The following SNX29 variants were observed in gnomAD, a reference collection of about 807,000 sequenced individuals.
The protein encoded by SNX29 is sorting nexin 29, also known as sorting nexin-29.
SNX29 carries 78 observed loss-of-function variants against 102.1 expected under a neutral mutation model. The ratio of observed to expected loss-of-function variants is 0.76; its 90% CI spans 0.64 to 0.92. The LOEUF is 0.92. Among genes scored for constraint, SNX29 ranks in the 40% least tolerant of loss-of-function variants. The pLI, the probability that SNX29 is intolerant of heterozygous loss-of-function variation, is 0.00. For missense variants in SNX29, 1,280 were observed against 1,061.7 expected, an observed-to-expected ratio of 1.21 and a Z score of -2.86; for synonymous variants, 580 against 414.5, an observed-to-expected ratio of 1.40 and a Z score of -4.85.
chr16:12,152,531 T>C (rs1474828301), intron 13 of SNX29, among the ~76,000 whole-genome samples: 7 of 152,184 alleles, frequency 4.6e-5, no homozygotes, highest in Non-Finnish European at 1.5e-5. Flanking sequence ...AACGCGTTGC[T>C]TTCCTTCTCT....
At chr16:12,327,087 G>T (rs1308278893) in intron 15 of SNX29, among the ~76,000 whole-genome samples, 1 of 152,112 alleles carries the variant, frequency 6.6e-6, no homozygotes, top group Non-Finnish European at 1.5e-5. Context: ...CCCTCTTCGT[G>T]GGTCCCTTTA....
chr16:12,161,696 G>C (rs2055790931), intron 13 of SNX29, among the ~76,000 whole-genome samples: 1 of 152,188 alleles, frequency 6.6e-6, no homozygotes, highest in Non-Finnish European at 1.5e-5. Context: ...TTGGTCATGA[G>C]TGAGTTCTTG....
At chr16:12,247,239 TTCA>T (rs1412248891) in intron 14 of SNX29, among the ~76,000 whole-genome samples, 1 of 152,148 alleles carries the variant, frequency 6.6e-6, no homozygotes, top group Admixed American at 6.5e-5. Flanking sequence ...AGGCTGGCTC[TTCA>T]GGTGGAGATG....
At chr16:12,292,367 A>G (rs78615007) in intron 15 of SNX29, among the ~76,000 whole-genome samples, 2,606 of 152,268 alleles carry the variant, frequency 0.017, 93 homozygotes, top group African/African-American at 0.06. Context: ...TGAAAGTGGT[A>G]GGATTGGAAA....
At chr16:12,264,332 C>G (rs535524235) in intron 14 of SNX29, among the ~76,000 whole-genome samples, 1 of 152,364 alleles carries the variant, frequency 6.6e-6, no homozygotes, top group East Asian at 1.9e-4. Flanking sequence ...TTCCAAGGTT[C>G]TCTTCTTAAG....
intron 20 of SNX29, among the ~76,000 whole-genome samples, chr16:12,566,007 C>A (rs2078989108): frequency 6.6e-6 from 1 of 152,186 alleles, no homozygotes; most frequent in African/African-American, 2.4e-5. Flanking sequence ...CCTTCATGCC[C>A]AGCCCAGCAT....
At chr16:12,536,387 A>G (rs1403376011) in intron 20 of SNX29, among the ~76,000 whole-genome samples, 1 of 152,106 alleles carries the variant, frequency 6.6e-6, no homozygotes, top group East Asian at 1.9e-4. Flanking sequence ...TGACTTTCAC[A>G]TTAAAGGTAC....
chr16:12,425,471 A>C (rs1341373879), intron 18 of SNX29, among the ~76,000 whole-genome samples: 1 of 149,990 alleles, frequency 6.7e-6, no homozygotes, highest in Non-Finnish European at 1.5e-5. Context: ...CTGCACACGT[A>C]ATTCCATTGC....
intron 13 of SNX29, among the ~76,000 whole-genome samples, chr16:12,164,528 T>G (rs961506972): frequency 6.6e-6 from 1 of 152,136 alleles, no homozygotes; most frequent in Non-Finnish European, 1.5e-5. Flanking sequence ...ATGTACTTTT[T>G]TGGTTGATAA....
At chr16:12,179,286 T>A (rs1347816128) in intron 13 of SNX29, among the ~76,000 whole-genome samples, 2 of 152,154 alleles carry the variant, frequency 1.3e-5, no homozygotes, top group African/African-American at 4.8e-5. Flanking sequence ...GAGTTCGAGA[T>A]CAGACTGGGC....
intron 16 of SNX29, among the ~76,000 whole-genome samples, chr16:12,360,390 A>T (rs1017747600): frequency 2.0e-5 from 3 of 152,084 alleles, no homozygotes; most frequent in Non-Finnish European, 4.4e-5. Context: ...CCCAGTTAGG[A>T]TTTTGCTAAT....
At position 12,215,142 on chromosome 16, in the gene SNX29, A is replaced by G. The variant is rs114782632; in HGVS notation, c.1678+15459A>G. ...ACCCTGTGCTAACTGCTTCATGGCAACTGTCCTGTGAGGTGGGTACTATTA... is the reference window on the plus strand; with the variant it reads ...ACCCTGTGCTAACTGCTTCATGGCAGCTGTCCTGTGAGGTGGGTACTATTA... On this transcript the variant is annotated intron_variant, in intron 14 of 20. Coordinates refer to ENST00000566228, the MANE Select transcript of SNX29 (RefSeq NM_032167.5). Among the ~76,000 whole-genome samples, 365 of 152,268 alleles carry G rather than the reference A, an allele frequency of 2.4e-3. 3 individuals carry two copies. The highest frequency in any genetic ancestry group is 8.4e-3 in the African/African-American group (350 of 41,542).
At chr16:12,310,851 A>T (rs578027460) in intron 15 of SNX29, among the ~76,000 whole-genome samples, 1 of 152,218 alleles carries the variant, frequency 6.6e-6, no homozygotes, top group Non-Finnish European at 1.5e-5. Flanking sequence ...ATCCTGGCAC[A>T]TAGGAGCAGT....
intron 11 of SNX29, among the ~76,000 whole-genome samples, chr16:12,109,980 T>C (rs2053438204): frequency 6.6e-6 from 1 of 152,132 alleles, no homozygotes; most frequent in Non-Finnish European, 1.5e-5. Flanking sequence ...CCACCCGCCT[T>C]GGCCTCTCAG....
intron 14 of SNX29, among the ~76,000 whole-genome samples, chr16:12,252,467 A>G (rs1054731354): frequency 6.6e-6 from 1 of 152,136 alleles, no homozygotes; most frequent in Non-Finnish European, 1.5e-5. Context: ...GGGAACACAC[A>G]TGCTTCCTTG....
chr16:12,530,802 C>T (rs184088797), intron 20 of SNX29, among the ~76,000 whole-genome samples: 95 of 152,300 alleles, frequency 6.2e-4, no homozygotes, highest in East Asian at 1.9e-4. Context: ...GTGATCCACC[C>T]GCCTTGGCCT....
rs191411174 is a variant in SNX29, at chr16:12,548,300, C to G, written c.2319-20206C>G. ...ACTGGGAAGGCTGGAAGCTACTGTC[C>G]CTGGAGCCCTACTCTCCTGGCTTGG... On this transcript the variant is annotated intron_variant, in intron 20 of 20. Coordinates refer to ENST00000566228, the MANE Select transcript of SNX29 (RefSeq NM_032167.5). 1.6e-4 allele frequency among the ~76,000 whole-genome samples: 24 copies of G among 152,252 alleles called. No individual in the cohort carries two copies. In the East Asian group the frequency reaches 4.6e-3, roughly 29 times the overall value.
intron 20 of SNX29, 54 bp from the exon 21 acceptor site, chr16:12,568,452 G>A (rs970712521): frequency 8.1e-6 from 13 of 1,599,516 alleles, no homozygotes; most frequent in East Asian, 4.5e-5. Flanking sequence ...CCTGGCCTGT[G>A]GTCATTTGCT....
chr16:12,548,837 GCT>G (rs2077777841), intron 20 of SNX29, among the ~76,000 whole-genome samples: 1 of 152,176 alleles, frequency 6.6e-6, no homozygotes, highest in Non-Finnish European at 1.5e-5. Context: ...GCCCTGTCTA[GCT>G]CTCAGTTCCT....
Sources: gnomAD v4.1 joint callset for allele counts (sites outside exome capture counted in the v4.1 genomes callset) on GRCh38, gnomAD v4.1.1 for gene constraint, MANE v1.5 for transcripts, NCBI Gene and HGNC (gene_info 2026-07-23, HGNC 2026-07-21) for gene names.